ZNF354C: variants seen among roughly 807,000 people sequenced by gnomAD.
ZNF354C encodes zinc finger protein 354C, also known as KRAB-zinc finger protein synten.
Under a neutral mutation model 12.4 loss-of-function variants are expected in ZNF354C, and 7 were observed. That is an observed-to-expected ratio of 0.56 (90% CI 0.32 to 1.06). The LOEUF (loss-of-function observed/expected upper bound fraction) is 1.06, where lower values mean the gene tolerates loss of function less well. Ranked by LOEUF, ZNF354C falls within the 50% of genes least tolerant of loss-of-function variation. The pLI, the probability that ZNF354C is intolerant of heterozygous loss-of-function variation, is 0.04. For synonymous variants in ZNF354C, 202 were observed against 224.5 expected (o/e 0.90, Z 0.90); for missense variants, 609 against 658.0 (o/e 0.93, Z 0.81).
rs1341363077 is a variant in ZNF354C, at chr5:179,079,773, A to T, written c.1341A>T (p.Lys447Asn). ...EKLYTCEECG[K>N]AFGCKSNLYR... Reference sequence around the variant, plus strand: ...TTTATACATGTGAGGAATGTGGGAAAGCCTTTGGTTGCAAATCTAACCTTT... The same window carrying T: ...TTTATACATGTGAGGAATGTGGGAATGCCTTTGGTTGCAAATCTAACCTTT... The change falls in exon 5 of 5, where the codon AAA becomes AAT. Residue 447 changes from lysine (K) to asparagine (N), a missense_variant. Physicochemically the swap from Lys to Asn is moderately conservative, Grantham distance 94. Transcript: ENST00000315475. The surrounding 1 kb of genome is among the most constrained non-coding windows in gnomAD (Gnocchi z 4.2). 1 of 1,614,128 alleles carries T rather than the reference A, an allele frequency of 6.2e-7. No individual in the cohort carries two copies. The highest frequency in any genetic ancestry group is 1.1e-5 in the South Asian group (1 of 91,082).
At position 179,080,685 on chromosome 5, in the gene ZNF354C, T is replaced by TATTA. The variant is rs1161568379; in HGVS notation, c.*590_*593dup. 1 of 152,232 alleles carries TATTA rather than the reference T, an allele frequency of 6.6e-6. No homozygotes were observed. Among genetic ancestry groups the TATTA allele is most frequent in the African/African-American group, 2.4e-5 (1 of 41,454 alleles). The allele number at this position is 152,232 out of a possible 1,614,324, so 9.4% of individuals were successfully genotyped here. A position where few individuals can be genotyped will look rare whatever the true frequency, so the allele number is the denominator to read the frequency against. The stretch of plus-strand genomic sequence containing the variant: ...GTGTGTAAACATAAAAGTCCTTTAT[T>TATTA]ATTAAAAAATGTAGTTTTATTGATT... On this transcript the variant is annotated 3_prime_UTR_variant, in exon 5 of 5. Transcript: ENST00000315475.
intron 2 of ZNF354C, among the ~76,000 whole-genome samples, chr5:179,074,022 C>T (rs1345035916): frequency 1.1e-4 from 16 of 151,342 alleles, no homozygotes; most frequent in Non-Finnish European, 2.9e-5. Flanking sequence ...CTCGCTCTGT[C>T]TCCCAGGCTG....
At chr5:179,074,108 G>C (rs1231014286) in intron 2 of ZNF354C, among the ~76,000 whole-genome samples, 2 of 151,792 alleles carry the variant, frequency 1.3e-5, no homozygotes, top group East Asian at 3.9e-4. Flanking sequence ...TCAGCCTCCC[G>C]AGTAGCTGGG....
intron 2 of ZNF354C, among the ~76,000 whole-genome samples, chr5:179,067,675 C>T (rs2113110800): frequency 6.6e-6 from 1 of 152,292 alleles, no homozygotes; most frequent in Non-Finnish European, 1.5e-5. Context: ...TGGCAAAACT[C>T]CGTCTCTACT....
chr5:179,079,587 A>G lies in ZNF354C; in HGVS notation c.1155A>G (p.Thr385=), dbSNP rs1762191864. 3.1e-6 allele frequency: 5 copies of G among 1,614,054 alleles called. No homozygotes were observed. In the South Asian group the frequency reaches 5.5e-5, roughly 18 times the overall value. ...TTCATACTGGAGAACAACTGTATACATGCTTGGAATGTGGGAGAACCTTCA... is the reference window on the plus strand; with the variant it reads ...TTCATACTGGAGAACAACTGTATACGTGCTTGGAATGTGGGAGAACCTTCA... ...QRFHTGEQLY[T]CLECGRTFTR... Residue 385 remains threonine, a synonymous_variant, in exon 5 of 5, where the codon ACA becomes ACG. Coordinates refer to ENST00000315475, the MANE Select transcript of ZNF354C (RefSeq NM_014594.3). The surrounding 1 kb of genome is among the most constrained non-coding windows in gnomAD (Gnocchi z 4.2).
rs1309176840 is a variant in ZNF354C, at chr5:179,083,595, G to T, written c.*3498G>T. The stretch of plus-strand genomic sequence containing the variant: ...CCATTTATATTCTTAGGAAGTTCCT[G>T]TTTGAGAGTTTATCCTCCAGGGATG... On this transcript the variant is annotated 3_prime_UTR_variant, in exon 5 of 5. Transcript: ENST00000315475. 1 of 152,214 alleles carries T rather than the reference G, an allele frequency of 6.6e-6. No individual in the cohort carries two copies. The highest frequency in any genetic ancestry group is 2.4e-5 in the African/African-American group (1 of 41,448). 9.4% of individuals were successfully genotyped at this position (152,214 alleles called of 1,614,324 possible). A position where few individuals can be genotyped will look rare whatever the true frequency, so the allele number is the denominator to read the frequency against.
rs760909611 is a variant in ZNF354C, at chr5:179,077,121, G to A, written c.205G>A (p.Asp69Asn). 5.6e-6 allele frequency: 9 copies of A among 1,614,226 alleles called. No individual in the cohort carries two copies. Among genetic ancestry groups the A allele is most frequent in the Non-Finnish European group, 7.6e-6 (9 of 1,180,040 alleles). ...KLIHQLQQGE[D>N]PCMVEREVPS... ...GATTCATCAGTTGCAGCAAGGAGAA[G>A]ATCCCTGCATGGTGGAAAGAGAAGT... Residue 69 changes from aspartate (D) to asparagine (N), a missense_variant, in exon 4 of 5, where the codon GAT becomes AAT. Coordinates refer to ENST00000315475, the MANE Select transcript of ZNF354C (RefSeq NM_014594.3).
intron 3 of ZNF354C, 37 bp downstream of exon 3, chr5:179,076,608 G>C: frequency 1.9e-6 from 3 of 1,609,992 alleles, no homozygotes; most frequent in Non-Finnish European, 2.5e-6. Context: ...ATCTGTTATA[G>C]GAACGCCTCA....
In ZNF354C at chr5:179,083,380, CATG is replaced by C. The variant is rs759555285; in HGVS notation, c.*3287_*3289del. ...GTTTTTTTTTTAAGTTTTGAAAAGTCATGATGTTGACAGCATATTTTCAAATAA... is the reference window on the plus strand; with the variant it reads ...GTTTTTTTTTTAAGTTTTGAAAAGTCATGTTGACAGCATATTTTCAAATAA... On this transcript the variant is annotated 3_prime_UTR_variant, in exon 5 of 5. Coordinates refer to ENST00000315475, the MANE Select transcript of ZNF354C (RefSeq NM_014594.3). The C allele has an allele frequency of 6.4e-6, 1 of 155,238 alleles. No individual in the cohort carries two copies. The highest frequency in any genetic ancestry group is 2.1e-4 in the South Asian group (1 of 4,844). 9.6% of individuals were successfully genotyped at this position (155,238 alleles called of 1,614,324 possible).
chr5:179,080,034 C>G lies in ZNF354C; in HGVS notation c.1602C>G (p.Ile534Met), dbSNP rs1428820565. ...GGAAGGAATATGGGAAACCTTTCAT[C>G]TGCAGCTCCTCACTTACCCAGTATC... is the stretch of plus-strand genomic sequence containing the variant. ...YKWKEYGKPF[I>M]CSSSLTQYQR... Residue 534 changes from isoleucine (I) to methionine (M), a missense_variant, in exon 5 of 5, where the codon ATC (isoleucine) becomes ATG (methionine). Coordinates refer to ENST00000315475, the MANE Select transcript of ZNF354C (RefSeq NM_014594.3). 3 of 1,610,638 alleles carry G rather than the reference C, an allele frequency of 1.9e-6. No homozygotes were observed. In the African/African-American group the frequency reaches 4.0e-5, roughly 22 times the overall value.
At chr5:179,076,631 T>G (rs1762127613) in intron 3 of ZNF354C, 60 bp downstream of exon 3, 5 of 1,593,462 alleles carry the variant, frequency 3.1e-6, no homozygotes, top group Non-Finnish European at 4.3e-6. Flanking sequence ...GGTCCATCTT[T>G]GGGGTTCCGA....
intron 2 of ZNF354C, among the ~76,000 whole-genome samples, chr5:179,067,033 A>G (rs1761965868): frequency 6.6e-6 from 1 of 152,250 alleles, no homozygotes; most frequent in African/African-American, 2.4e-5. Flanking sequence ...AAGGATATAC[A>G]TGCTATATAG....
intron 2 of ZNF354C, among the ~76,000 whole-genome samples, chr5:179,073,045 A>T (rs1361430122): frequency 1.3e-5 from 2 of 152,206 alleles, no homozygotes; most frequent in African/African-American, 4.8e-5. Context: ...GCTGAAAAAA[A>T]TTGTACTACA....
chr5:179,061,596 G>A (rs1448286648), intron 1 of ZNF354C, among the ~76,000 whole-genome samples: 2 of 152,164 alleles, frequency 1.3e-5, no homozygotes, highest in African/African-American at 4.8e-5. Flanking sequence ...CACCAGGGTA[G>A]GGATGCGGGG....
chr5:179,082,476 A>T lies in ZNF354C; in HGVS notation c.*2379A>T. Reference sequence around the variant, plus strand: ...ATAGGACAACTGGACTTTTTTTTATATATTTATTTTAAAATGGTTTTCTTA... The same window carrying T: ...ATAGGACAACTGGACTTTTTTTTATTTATTTATTTTAAAATGGTTTTCTTA... On this transcript the variant is annotated 3_prime_UTR_variant, in exon 5 of 5. Coordinates refer to ENST00000315475, the MANE Select transcript of ZNF354C (RefSeq NM_014594.3). 1 of 546,662 alleles carries T rather than the reference A, an allele frequency of 1.8e-6. No individual in the cohort carries two copies. The allele number at this position is 546,662 out of a possible 1,614,324, so 33.9% of individuals were successfully genotyped here.
chr5:179,074,816 G>A (rs535163001), intron 2 of ZNF354C, among the ~76,000 whole-genome samples: 2 of 152,296 alleles, frequency 1.3e-5, no homozygotes, highest in South Asian at 4.1e-4. Context: ...AAGAAGGGTG[G>A]TGATGTCCTA....
At chr5:179,065,126 C>T (rs1761943825) in intron 2 of ZNF354C, among the ~76,000 whole-genome samples, 1 of 151,960 alleles carries the variant, frequency 6.6e-6, no homozygotes. Context: ...AGTTATCATA[C>T]CCTGCACCCA....
chr5:179,073,102 A>G (rs1762071784), intron 2 of ZNF354C, among the ~76,000 whole-genome samples: 1 of 152,226 alleles, frequency 6.6e-6, no homozygotes, highest in Non-Finnish European at 1.5e-5. Flanking sequence ...CATCAGAAAC[A>G]ACAAAGACCA....
At position 179,079,919 on chromosome 5, in the gene ZNF354C, A is replaced by G. The variant is rs1374307115; in HGVS notation, c.1487A>G (p.Tyr496Cys). Residue 496 changes from tyrosine (Y) to cysteine (C), a missense_variant, in exon 5 of 5, where the codon TAT becomes TGT. By Grantham distance (194) the Tyr-to-Cys change is radical (BLOSUM62 -2). Coordinates refer to ENST00000315475, the MANE Select transcript of ZNF354C (RefSeq NM_014594.3). This position sits in a 1 kb window ranked among gnomAD's most constrained non-coding sequence, Gnocchi z 4.2. ...HERIHTGEKL[Y>C]KCMECGKAYS... The stretch of plus-strand genomic sequence containing the variant: ...AGGATCCACACTGGAGAGAAACTGT[A>G]TAAATGTATGGAATGTGGGAAAGCC... The G allele has an allele frequency of 1.2e-6, 2 of 1,613,864 alleles. No homozygotes were observed. The highest frequency in any genetic ancestry group is 2.2e-5 in the East Asian group (1 of 44,888).
Sources: allele counts gnomAD v4.1 joint callset (sites outside exome capture counted in the v4.1 genomes callset), GRCh38; gene constraint gnomAD v4.1.1; non-coding constraint Gnocchi (gnomAD v3.1); transcripts MANE v1.5; gene names NCBI Gene and HGNC (gene_info 2026-07-23, HGNC 2026-07-21).